Variants in CHD9 observed in about 807,000 individuals in gnomAD.
The protein encoded by CHD9 is chromodomain helicase DNA binding protein 9.
CHD9 carries 77 observed loss-of-function variants against 316.1 expected under a neutral mutation model. The ratio of observed to expected loss-of-function variants is 0.24; its 90% CI spans 0.20 to 0.29. The LOEUF (loss-of-function observed/expected upper bound fraction) is 0.29, where lower values mean the gene tolerates loss of function less well. Ranked by LOEUF, CHD9 falls within the 10% of genes least tolerant of loss-of-function variation. The pLI, the probability that CHD9 is intolerant of heterozygous loss-of-function variation, is 1.00. For synonymous variants in CHD9, 1,129 were observed against 1,158.3 expected (o/e 0.97, Z 0.51); for missense variants, 2,763 against 3,438.1 (o/e 0.80, Z 4.91).
intron 1 of CHD9, among the ~76,000 whole-genome samples, chr16:53,071,081 G>A (rs2034006835): frequency 1.3e-5 from 2 of 152,142 alleles, no homozygotes; most frequent in Admixed American, 1.3e-4. Flanking sequence ...ATCACTTTGG[G>A]TAGCACTGAC....
chr16:53,324,960 A>G lies in CHD9; in HGVS notation c.*65A>G. 7.4e-7 allele frequency: 1 copy of G among 1,351,012 alleles called. No individual in the cohort carries two copies. The highest frequency in any genetic ancestry group is 1.5e-5 in the African/African-American group (1 of 68,060). 83.7% of individuals were successfully genotyped at this position (1,351,012 alleles called of 1,614,324 possible). On this transcript the variant is annotated 3_prime_UTR_variant, in exon 39 of 39. Coordinates refer to ENST00000447540, the MANE Select transcript of CHD9 (RefSeq NM_001308319.2). The stretch of plus-strand genomic sequence containing the variant: ...TTTTTTCTTTAATAATTAATTGTAA[A>G]TACCCCAGTGTTGAGTGCATCAATA...
chr16:53,147,284 T>C (rs1329234167), intron 1 of CHD9, among the ~76,000 whole-genome samples: 1 of 152,212 alleles, frequency 6.6e-6, no homozygotes, highest in African/African-American at 2.4e-5. Flanking sequence ...AACAGTATAT[T>C]GAGCAGAGGG....
At chr16:53,195,210 A>G (rs1339574583) in intron 2 of CHD9, among the ~76,000 whole-genome samples, 1 of 152,230 alleles carries the variant, frequency 6.6e-6, no homozygotes, top group African/African-American at 2.4e-5. Context: ...GCTATGGCCT[A>G]AAAGCTTGCT....
At chr16:53,310,946 G>C (rs922055626) in intron 34 of CHD9, 4 of 151,368 alleles carry the variant, frequency 2.6e-5, no homozygotes, top group African/African-American at 4.8e-5. Context: ...CAGGACTTGA[G>C]GAGGCAGAGG....
chr16:53,255,806 A>C (rs761052351), intron 19 of CHD9, 27 bp downstream of exon 19: 15 of 1,596,968 alleles, frequency 9.4e-6, no homozygotes, highest in Non-Finnish European at 1.3e-5. Flanking sequence ...TTTTATTAAC[A>C]TAGCAGTGAT....
intron 22 of CHD9, among the ~76,000 whole-genome samples, chr16:53,270,637 A>G (rs1369326955): frequency 6.6e-6 from 1 of 152,152 alleles, no homozygotes; most frequent in African/African-American, 2.4e-5. Flanking sequence ...ATATACTTGT[A>G]TTCTATAATT....
At chr16:53,132,793 C>CTTTTT (rs748626858) in intron 1 of CHD9, among the ~76,000 whole-genome samples, 7 of 68,476 alleles carry the variant, frequency 1.0e-4, no homozygotes, top group African/African-American at 1.6e-4. Flanking sequence ...TCTAATTCTG[C>CTTTTT]TTTTTTTTTT....
chr16:53,235,076 C>A, intron 10 of CHD9, 109 bp from the exon 11 acceptor site: 1 of 746,428 alleles, frequency 1.3e-6, no homozygotes, highest in Non-Finnish European at 2.1e-6. Context: ...TTAATCATAA[C>A]ACTGTACACT....
At chr16:53,160,674 C>T (rs949820814) in intron 2 of CHD9, among the ~76,000 whole-genome samples, 11 of 152,022 alleles carry the variant, frequency 7.2e-5, no homozygotes, top group Middle Eastern at 3.2e-3. Context: ...TGGGAGGCCG[C>T]GGTGGGTGGA....
At chr16:53,128,746 A>G (rs1003216977) in intron 1 of CHD9, among the ~76,000 whole-genome samples, 1 of 152,242 alleles carries the variant, frequency 6.6e-6, no homozygotes, top group Admixed American at 6.5e-5. Context: ...TACTGAGAAT[A>G]CCTCCAAAAT....
At chr16:53,108,511 T>TATAGATAG (rs36134573) in intron 1 of CHD9, among the ~76,000 whole-genome samples, 142 of 146,622 alleles carry the variant, frequency 9.7e-4, no homozygotes, top group Admixed American at 1.4e-3. Flanking sequence ...TCTCAAAAAA[T>TATAGATAG]ATAGATAGAT....
In CHD9 at chr16:53,227,539, T is replaced by G; in HGVS notation, c.2113-9T>G. ...AAAAGAGTCACCATTACTGATTTTC[T>G]TTTCTTAGATATCACCTGGAGTGAT... On this transcript the variant is annotated splice_polypyrimidine_tract_variant and intron_variant, in intron 6 of 38. Coordinates refer to ENST00000447540, the MANE Select transcript of CHD9 (RefSeq NM_001308319.2). The G allele has an allele frequency of 6.8e-7, 1 of 1,468,860 alleles. No individual in the cohort carries two copies. The highest frequency in any genetic ancestry group is 9.2e-7 in the Non-Finnish European group (1 of 1,089,526). The allele number at this position is 1,468,860 out of a possible 1,614,324, so 91.0% of individuals were successfully genotyped here.
intron 1 of CHD9, among the ~76,000 whole-genome samples, chr16:53,084,128 G>T (rs541712171): frequency 1.3e-5 from 2 of 152,168 alleles, no homozygotes; most frequent in South Asian, 4.1e-4. Context: ...CTGGTTTCAA[G>T]CAATCCTCTT....
chr16:53,115,304 A>T (rs981621132), intron 1 of CHD9, among the ~76,000 whole-genome samples: 2 of 152,348 alleles, frequency 1.3e-5, no homozygotes, highest in South Asian at 4.1e-4. Flanking sequence ...CACTCAGAGC[A>T]GTACTTTTCC....
chr16:53,163,561 T>A (rs1034656400), intron 2 of CHD9, among the ~76,000 whole-genome samples: 2 of 152,210 alleles, frequency 1.3e-5, no homozygotes, highest in Non-Finnish European at 2.9e-5. Context: ...GTTCACACTT[T>A]CTGGCAAATT....
At chr16:53,259,087 G>A (rs2050847790) in intron 19 of CHD9, among the ~76,000 whole-genome samples, 1 of 152,132 alleles carries the variant, frequency 6.6e-6, no homozygotes, top group Non-Finnish European at 1.5e-5. Context: ...AAAATTTAGG[G>A]GGAACTAGGA....
At chr16:53,177,020 A>G (rs2043140169) in intron 2 of CHD9, among the ~76,000 whole-genome samples, 2 of 152,210 alleles carry the variant, frequency 1.3e-5, no homozygotes, top group South Asian at 2.1e-4. Context: ...CAGAGGCGCC[A>G]TCTCGGCTCA....
chr16:53,094,732 C>T (rs553453742), intron 1 of CHD9, among the ~76,000 whole-genome samples: 2 of 151,530 alleles, frequency 1.3e-5, no homozygotes, highest in Non-Finnish European at 2.9e-5. Context: ...CTCTGCCTCC[C>T]GGGTTCAAGT....
intron 30 of CHD9, 43 bp downstream of exon 30, chr16:53,297,201 A>G (rs1465098591): frequency 4.2e-6 from 6 of 1,430,884 alleles, no homozygotes; most frequent in Non-Finnish European, 5.8e-6. Context: ...TCAAAGAAGC[A>G]AAAATCACTA....
Sources: gnomAD v4.1 joint callset for allele counts (sites outside exome capture counted in the v4.1 genomes callset) on GRCh38, gnomAD v4.1.1 for gene constraint, MANE v1.5 for transcripts, NCBI Gene and HGNC (gene_info 2026-07-23, HGNC 2026-07-21) for gene names.